The following GNAQ variants were observed in gnomAD, a reference collection of about 807,000 sequenced individuals.
GNAQ encodes the protein G protein subunit alpha q, also known as guanine nucleotide-binding protein G(q) subunit alpha.
In GNAQ, 8 loss-of-function variants were observed where a neutral mutation model predicts 43.9. That is an observed-to-expected ratio of 0.18 (90% CI 0.11 to 0.33). GNAQ has a LOEUF of 0.33. Among genes scored for constraint, GNAQ ranks in the 10% least tolerant of loss-of-function variants. The pLI is 1.00. For synonymous variants in GNAQ, 155 were observed against 170.7 expected (o/e 0.91, Z 0.71); for missense variants, 158 against 450.8 (o/e 0.35, Z 5.88).
At chr9:77,999,001 A>C (rs1423170012) in intron 1 of GNAQ, among the ~76,000 whole-genome samples, 4 of 147,762 alleles carry the variant, frequency 2.7e-5, no homozygotes, top group Non-Finnish European at 4.5e-5. Flanking sequence ...CTGAGGCAGG[A>C]GAATCACTTG....
At chr9:77,802,647 G>A (rs1203603591) in intron 3 of GNAQ, among the ~76,000 whole-genome samples, 1 of 152,068 alleles carries the variant, frequency 6.6e-6, no homozygotes, top group East Asian at 1.9e-4. Flanking sequence ...GATTCTGAGT[G>A]GCTGTTGAGG....
At chr9:77,763,617 G>C (rs1022528681) in intron 5 of GNAQ, among the ~76,000 whole-genome samples, 3 of 152,320 alleles carry the variant, frequency 2.0e-5, no homozygotes, top group East Asian at 1.9e-4. Flanking sequence ...ATTGTATTGC[G>C]ATGGATCAAG....
chr9:77,810,176 TATCC>T (rs1442751088), intron 3 of GNAQ, among the ~76,000 whole-genome samples: 2 of 152,184 alleles, frequency 1.3e-5, no homozygotes, highest in Non-Finnish European at 2.9e-5. Context: ...TCTACCTATC[TATCC>T]ATCTATCTTA....
chr9:77,988,718 A>G lies in GNAQ; in HGVS notation c.136+42382T>C, dbSNP rs553440266. 7.9e-5 allele frequency among the ~76,000 whole-genome samples: 12 copies of G among 152,350 alleles called. No individual in the cohort carries two copies. In the East Asian group the frequency reaches 2.1e-3, roughly 27 times the overall value. On this transcript the variant is annotated intron_variant, in intron 1 of 6. Coordinates refer to ENST00000286548, the MANE Select transcript of GNAQ (RefSeq NM_002072.5). The stretch of plus-strand genomic sequence containing the variant: ...CCATTGTTGTTATTATAGAAGACTC[A>G]AGGCTTTGTCAAACACATGTTATAA...
chr9:77,833,410 T>C (rs1286677319), intron 2 of GNAQ, among the ~76,000 whole-genome samples: 1 of 152,202 alleles, frequency 6.6e-6, no homozygotes, highest in Non-Finnish European at 1.5e-5. Flanking sequence ...CCAGTGTGGC[T>C]CCAAAGTACA....
At chr9:77,932,464 T>A (rs1829166116) in intron 1 of GNAQ, among the ~76,000 whole-genome samples, 1 of 152,184 alleles carries the variant, frequency 6.6e-6, no homozygotes, top group South Asian at 2.1e-4. Context: ...CAGAGTGACC[T>A]GACTGCTGCT....
chr9:77,975,331 G>A (rs1221942160), intron 1 of GNAQ, among the ~76,000 whole-genome samples: 1 of 152,080 alleles, frequency 6.6e-6, no homozygotes, highest in Non-Finnish European at 1.5e-5. Flanking sequence ...TGCTTACTGG[G>A]TACCAAGAAC....
rs1827174322 is a variant in GNAQ, at chr9:77,825,223, T to C, written c.322-9453A>G. Among the ~76,000 whole-genome samples, 3 of 152,324 alleles carry C rather than the reference T, an allele frequency of 2.0e-5. No individual in the cohort carries two copies. The South Asian group carries it at 6.2e-4, about 32-fold the overall frequency. On this transcript the variant is annotated intron_variant, in intron 2 of 6. Coordinates refer to ENST00000286548, the MANE Select transcript of GNAQ (RefSeq NM_002072.5). Reference sequence around the variant, plus strand: ...TTTTCAAGTTTCTAAAAAAACTTATTATGGCCAAAAAGATCTGCTGCAAAA... The same window carrying C: ...TTTTCAAGTTTCTAAAAAAACTTATCATGGCCAAAAAGATCTGCTGCAAAA...
chr9:78,023,841 T>C (rs1823941734), intron 1 of GNAQ, among the ~76,000 whole-genome samples: 1 of 152,136 alleles, frequency 6.6e-6, no homozygotes, highest in Admixed American at 6.5e-5. Flanking sequence ...TAAACATCAC[T>C]GTTCGCTTCC....
rs140998577 is a variant in GNAQ, at chr9:77,728,381, G to C, written c.889+133C>G. The stretch of plus-strand genomic sequence containing the variant: ...GACAGGGCAAACAAGAATTCCTACT[G>C]TATCAGTTTCAACACGCAGGCTGCA... On this transcript the variant is annotated intron_variant, in intron 6 of 6. Transcript: ENST00000286548. The C allele has an allele frequency of 4.3e-6, 3 of 696,246 alleles. No homozygotes were observed. The East Asian group carries it at 7.5e-5, about 17-fold the overall frequency. The allele number at this position is 696,246 out of a possible 1,614,324, so 43.1% of individuals were successfully genotyped here.
intron 1 of GNAQ, among the ~76,000 whole-genome samples, chr9:77,950,974 T>A (rs994589136): frequency 4.6e-5 from 7 of 152,122 alleles, no homozygotes; most frequent in African/African-American, 7.2e-5. Flanking sequence ...AAAAGCTACA[T>A]TCTTTAGATA....
intron 1 of GNAQ, among the ~76,000 whole-genome samples, chr9:77,954,401 G>A (rs78548955): frequency 6.6e-6 from 1 of 152,214 alleles, no homozygotes; most frequent in Non-Finnish European, 1.5e-5. Context: ...CACCACCATA[G>A]TACGGCTTAA....
chr9:77,781,773 A>G (rs961920924), intron 5 of GNAQ, among the ~76,000 whole-genome samples: 10 of 152,168 alleles, frequency 6.6e-5, no homozygotes, highest in African/African-American at 2.2e-4. Context: ...TCATAGGGTC[A>G]TATCAACAGA....
intron 5 of GNAQ, among the ~76,000 whole-genome samples, chr9:77,762,691 T>C (rs1358058952): frequency 2.0e-4 from 31 of 151,930 alleles, no homozygotes; most frequent in Non-Finnish European, 7.4e-5. Flanking sequence ...AGAAATCGGA[T>C]GGTTGCCGTG....
intron 1 of GNAQ, among the ~76,000 whole-genome samples, chr9:78,001,539 A>G (rs1280760288): frequency 1.3e-5 from 2 of 152,204 alleles, no homozygotes; most frequent in African/African-American, 4.8e-5. Context: ...CTCAGTCAGC[A>G]GAATTATAAA....
At chr9:77,922,455 G>C (rs1829013277) in intron 1 of GNAQ, 110 bp from the exon 2 acceptor site, 2 of 709,884 alleles carry the variant, frequency 2.8e-6, no homozygotes, top group Non-Finnish European at 4.8e-6. Flanking sequence ...AGCCTGCTGA[G>C]AGGAGCGACT....
intron 2 of GNAQ, among the ~76,000 whole-genome samples, chr9:77,821,727 GTGTGTGTGTGTGTGT>G (rs1827117995): frequency 1.3e-5 from 2 of 149,030 alleles, no homozygotes; most frequent in African/African-American, 4.9e-5. Context: ...TAGTATGGGT[GTGTGTGTGTGTGTGT>G]GTGTGTGTGT....
chr9:77,747,101 G>A (rs997670775), intron 5 of GNAQ, among the ~76,000 whole-genome samples: 1 of 152,086 alleles, frequency 6.6e-6, no homozygotes, highest in Admixed American at 6.5e-5. Flanking sequence ...ATTTTAAAAT[G>A]GGGGAGGTAG....
At chr9:77,819,002 CAAAAAAAAAAAAAAAA>C (rs10547681) in intron 2 of GNAQ, among the ~76,000 whole-genome samples, 3 of 45,290 alleles carry the variant, frequency 6.6e-5, no homozygotes, top group African/African-American at 1.1e-4. Flanking sequence ...ACCATCTCTC[CAAAAAAAAAAAAAAAA>C]AAAAAAAAAA....
Sources: allele counts gnomAD v4.1 joint callset (sites outside exome capture counted in the v4.1 genomes callset), GRCh38; gene constraint gnomAD v4.1.1; transcripts MANE v1.5; gene names NCBI Gene and HGNC (gene_info 2026-07-23, HGNC 2026-07-21).